CYP24A1: variants seen among roughly 807,000 people sequenced by gnomAD.
CYP24A1 encodes 1,25-dihydroxyvitamin D(3) 24-hydroxylase, mitochondrial.
A neutral mutation model predicts 62.4 loss-of-function variants in CYP24A1; 68 were observed. That is an observed-to-expected ratio of 1.09 (90% confidence interval 0.90 to 1.33). The LOEUF (loss-of-function observed/expected upper bound fraction) is 1.33, where lower values mean the gene tolerates loss of function less well. Ranked by LOEUF, CYP24A1 falls within the 40% of genes most tolerant of loss-of-function variation. The pLI, the probability that CYP24A1 is intolerant of heterozygous loss-of-function variation, is 0.00. For synonymous variants in CYP24A1, 267 were observed against 253.0 expected (o/e 1.06, Z -0.52); for missense variants, 787 against 653.0 (o/e 1.21, Z -2.24).
chr20:54,148,369 G>GACACACACACACACACACACACAC, the CYP24A1 span, among the ~76,000 whole-genome samples: 4 of 133,378 alleles, frequency 3.0e-5, no homozygotes, highest in Admixed American at 7.6e-5. Flanking sequence ...CAGACACACA[G>GACACACACACACACACACACACAC]ACACACACAC....
chr20:54,173,228 A>T lies in CYP24A1; in HGVS notation c.258+94T>A, dbSNP rs2092700912. 2 of 1,515,126 alleles carry T rather than the reference A, an allele frequency of 1.3e-6. No homozygotes were observed. The highest frequency in any genetic ancestry group is 3.5e-5 in the Admixed American group (2 of 56,754). The allele number at this position is 1,515,126 out of a possible 1,614,324, so 93.9% of individuals were successfully genotyped here. On this transcript the variant is annotated intron_variant, in intron 1 of 11. Transcript: ENST00000216862. This position sits in a 1 kb window ranked among gnomAD's most constrained non-coding sequence, Gnocchi z 7.2. ...CCCTGCCCAGACGCCGAAGCGCACC[A>T]TGCGCCCGAGGCGCGCATGTCGGGG... is the stretch of plus-strand genomic sequence containing the variant.
chr20:54,164,598 TCTC>T, intron 5 of CYP24A1, 35 bp from the exon 6 acceptor site: 1 of 1,613,888 alleles, frequency 6.2e-7, no homozygotes, highest in African/African-American at 1.3e-5. Flanking sequence ...TATTCTGAAT[TCTC>T]CTTCTCTCAA....
chr20:54,165,814 A>T lies in CYP24A1; in HGVS notation c.660T>A (p.Tyr220Ter). The T allele has an allele frequency of 6.8e-7, 1 of 1,464,144 alleles. No individual in the cohort carries two copies. The highest frequency in any genetic ancestry group is 9.6e-7 in the Non-Finnish European group (1 of 1,042,962). 90.7% of individuals were successfully genotyped at this position (1,464,144 alleles called of 1,614,324 possible). A position where few individuals can be genotyped will look rare whatever the true frequency, so the allele number is the denominator to read the frequency against. The change falls in exon 5 of 12, where the codon TAT becomes TAA. Residue 220 changes from tyrosine (Y) to a stop codon, truncating the protein, a stop_gained. Transcript: ENST00000216862. LOFTEE classifies it high-confidence loss of function. ...TCTGGAGAAGCCCAAATCTCTTCTC[A>T]TACAACACGAGGCAGATACCTGTCA... ...WSFESICLVLYEKRFGLLQKN... is the reference protein window; with the variant it reads ...WSFESICLVL
Position 54,169,599 on chromosome 20 carries a change from C to T in CYP24A1, c.633G>A (p.Ser211=), listed in dbSNP as rs150102121. 1.1e-4 allele frequency: 173 copies of T among 1,614,162 alleles called. No individual in the cohort carries two copies. In the Admixed American group the frequency reaches 1.8e-3, roughly 17 times the overall value. Residue 211 remains serine (S), a synonymous_variant, in exon 4 of 12, where the codon TCG becomes TCA. Coordinates refer to ENST00000216862, the MANE Select transcript of CYP24A1 (RefSeq NM_000782.5). ...TCTGTGACGACAACTTACTTTCAAA[C>T]GACCATTTGTTCAGTTCGCTGTACA... ...EDLYSELNKW[S]FESICLVLYE... is the part of the protein sequence containing the mutation.
intron 6 of CYP24A1, among the ~76,000 whole-genome samples, chr20:54,163,099 G>C (rs1260489224): frequency 2.0e-5 from 3 of 152,160 alleles, no homozygotes; most frequent in Non-Finnish European, 4.4e-5. Context: ...AGTCACCTAG[G>C]CATCTTCTCA....
rs2092693954 is a variant in CYP24A1, at chr20:54,171,586, TTTG to T, written c.531_533del (p.Asn177del). The T allele has an allele frequency of 6.2e-7, 1 of 1,613,910 alleles. No homozygotes were observed. The highest frequency in any genetic ancestry group is 8.5e-7 in the Non-Finnish European group (1 of 1,179,858). Reference sequence around the variant, plus strand: ...GCCCCAGCCTGCAGACCTCATTGATTTTGTTGTCCAGCTTCATCACTTCCCCTG... The same window carrying T: ...GCCCCAGCCTGCAGACCTCATTGATTTTGTCCAGCTTCATCACTTCCCCTG... On this transcript the variant is annotated inframe_deletion, in exon 3 of 12. Transcript: ENST00000216862.
At chr20:54,158,703 A>AAT (rs2092638626) in intron 8 of CYP24A1, among the ~76,000 whole-genome samples, 1 of 152,222 alleles carries the variant, frequency 6.6e-6, no homozygotes, top group African/African-American at 2.4e-5. Context: ...ATTAGTGCTT[A>AAT]CAGCGTTCAT....
At chr20:54,158,326 A>G (rs1249861431) in intron 8 of CYP24A1, among the ~76,000 whole-genome samples, 162 bp from the exon 9 acceptor site, 16 of 152,226 alleles carry the variant, frequency 1.1e-4, no homozygotes, top group Non-Finnish European at 1.5e-5. Flanking sequence ...TTTCTTCTCA[A>G]TAATTGTATC....
chr20:54,169,801 T>C (rs1257047747), intron 3 of CYP24A1, 113 bp from the exon 4 acceptor site: 3 of 1,542,924 alleles, frequency 1.9e-6, no homozygotes, highest in African/African-American at 2.7e-5. Context: ...TCACTGGCCA[T>C]AATGTTATTC....
the CYP24A1 span, among the ~76,000 whole-genome samples, chr20:54,148,330 G>A: frequency 6.7e-6 from 1 of 148,358 alleles, no homozygotes; most frequent in African/African-American, 2.5e-5. Context: ...CTTTGGTTTT[G>A]TCCTTCTTTT....
chr20:54,155,639 A>C (rs558832087), intron 11 of CYP24A1, among the ~76,000 whole-genome samples: 1 of 151,336 alleles, frequency 6.6e-6, no homozygotes, highest in Non-Finnish European at 1.5e-5. Context: ...CGGGAGGCTG[A>C]GGCAGAAGAA....
chr20:54,146,299 C>T, the CYP24A1 span, among the ~76,000 whole-genome samples: 7 of 152,244 alleles, frequency 4.6e-5, no homozygotes, highest in East Asian at 1.9e-4. Context: ...ATCCCTTTTC[C>T]GGCACCCTTG....
chr20:54,166,255 A>G (rs1334594653), intron 4 of CYP24A1, among the ~76,000 whole-genome samples: 2 of 152,210 alleles, frequency 1.3e-5, no homozygotes, highest in Non-Finnish European at 2.9e-5. Context: ...GAAGGGAATA[A>G]TTATGTTCTA....
the CYP24A1 span, among the ~76,000 whole-genome samples, chr20:54,143,852 A>G: frequency 0.19 from 28,940 of 152,160 alleles, 3,185 homozygotes; most frequent in East Asian, 0.3. Flanking sequence ...TCCTAAGAAT[A>G]AAGCAAAAAC....
In CYP24A1 at chr20:54,173,942, A is replaced by G; in HGVS notation, c.-363T>C. ...GCCACGGGGAGGTGTCAAGGAGGGT[A>G]GATGAGATGCTGCTGGCGCTGCGTT... On this transcript the variant is annotated 5_prime_UTR_variant, in exon 1 of 12. Coordinates refer to ENST00000216862, the MANE Select transcript of CYP24A1 (RefSeq NM_000782.5). The surrounding 1 kb of genome is among the most constrained non-coding windows in gnomAD (Gnocchi z 7.2). The G allele has an allele frequency of 3.0e-6, 1 of 331,516 alleles. No homozygotes were observed. Among genetic ancestry groups the G allele is most frequent in the South Asian group, 4.4e-5 (1 of 22,920 alleles). The allele number at this position is 331,516 out of a possible 1,614,324, so 20.5% of individuals were successfully genotyped here.
chr20:54,168,399 G>T (rs1601142537), intron 4 of CYP24A1, among the ~76,000 whole-genome samples: 1 of 151,904 alleles, frequency 6.6e-6, no homozygotes, highest in Admixed American at 6.6e-5. Context: ...GTGCCCTGTT[G>T]GACACCTGCC....
Position 54,173,052 on chromosome 20 carries a change from A to G in CYP24A1, c.306T>C (p.Gly102=), listed in dbSNP as rs549216457. ...AGCCCAGGTGCACCGACTCAAAGGA[A>G]CCCAACTTCATGCGGAAAATCTTGC... The part of the protein sequence containing the change: ...KYGKIFRMKL[G]SFESVHLGSP... The change falls in exon 2 of 12, where the codon GGT becomes GGC. Residue 102 remains glycine, a synonymous_variant. Coordinates refer to ENST00000216862, the MANE Select transcript of CYP24A1 (RefSeq NM_000782.5). The surrounding 1 kb of genome is among the most constrained non-coding windows in gnomAD (Gnocchi z 7.2). The G allele has an allele frequency of 7.5e-6, 12 of 1,607,396 alleles. No individual in the cohort carries two copies. Among genetic ancestry groups the G allele is most frequent in the African/African-American group, 1.3e-5 (1 of 74,934 alleles).
Position 54,173,233 on chromosome 20 carries a change from C to G in CYP24A1, c.258+89G>C. On this transcript the variant is annotated intron_variant, in intron 1 of 11. Coordinates refer to ENST00000216862, the MANE Select transcript of CYP24A1 (RefSeq NM_000782.5). The surrounding 1 kb of genome is among the most constrained non-coding windows in gnomAD (Gnocchi z 7.2). Reference sequence around the variant, plus strand: ...CCCAGACGCCGAAGCGCACCATGCGCCCGAGGCGCGCATGTCGGGGAGGGT... The same window carrying G: ...CCCAGACGCCGAAGCGCACCATGCGGCCGAGGCGCGCATGTCGGGGAGGGT... 7.2e-6 allele frequency: 11 copies of G among 1,520,428 alleles called. No individual in the cohort carries two copies. Among genetic ancestry groups the G allele is most frequent in the South Asian group, 1.1e-5 (1 of 87,886 alleles). 94.2% of individuals were successfully genotyped at this position (1,520,428 alleles called of 1,614,324 possible).
intron 4 of CYP24A1, among the ~76,000 whole-genome samples, chr20:54,166,796 C>T (rs551751732): frequency 1.4e-4 from 22 of 152,142 alleles, no homozygotes; most frequent in Non-Finnish European, 2.5e-4. Flanking sequence ...CTTCAGGAGG[C>T]TCGGGCAGGC....
Sources: gnomAD v4.1 joint callset for allele counts (sites outside exome capture counted in the v4.1 genomes callset) on GRCh38, gnomAD v4.1.1 for gene constraint, Gnocchi (gnomAD v3.1) non-coding constraint, MANE v1.5 for transcripts, NCBI Gene and HGNC (gene_info 2026-07-23, HGNC 2026-07-21) for gene names.